MGAT1: variants seen among roughly 807,000 people sequenced by gnomAD.
The protein encoded by MGAT1 is N-glycosyl-oligosaccharide-glycoprotein N-acetylglucosaminyltransferase I.
In MGAT1, 14 loss-of-function variants were observed where a neutral mutation model predicts 31.7. That is an observed-to-expected ratio of 0.44 (90% confidence interval 0.29 to 0.69). The LOEUF (loss-of-function observed/expected upper bound fraction) is 0.69, where lower values mean the gene tolerates loss of function less well. Among genes scored for constraint, MGAT1 ranks in the 30% least tolerant of loss-of-function variants. The probability of loss-of-function intolerance (pLI) is 0.12; values close to 1 mark genes in which losing one functional copy is unlikely to be tolerated. For synonymous variants in MGAT1, 338 were observed against 276.0 expected (o/e 1.22, Z -2.23); for missense variants, 557 against 626.0 (o/e 0.89, Z 1.18).
intron 1 of MGAT1, among the ~76,000 whole-genome samples, chr5:180,813,910 A>G (rs1263750235): frequency 6.6e-6 from 1 of 152,232 alleles, no homozygotes; most frequent in Non-Finnish European, 1.5e-5. Flanking sequence ...GGCTACCTAC[A>G]GTCCCCACCA....
rs763182421 is a variant in MGAT1 at position 180,800,008 on chromosome 5, T to C, written c.-127+2672A>G. ...AGACACAGGAGACAGCCCTCCAGAT[T>C]ATCCCAGCCCCAGCTGACTGCAATG... On this transcript the variant is annotated intron_variant, in intron 1 of 1. Coordinates refer to ENST00000307826, the MANE Select transcript of MGAT1 (RefSeq NM_002406.4). Among the ~76,000 whole-genome samples, 8 of 152,292 alleles carry C rather than the reference T, an allele frequency of 5.3e-5. No homozygotes were observed. In the East Asian group the frequency reaches 5.8e-4, roughly 11 times the overall value.
Position 180,792,735 on chromosome 5 carries a change from C to A in MGAT1, c.237G>T (p.Leu79=), listed in dbSNP as rs771667875. 10 of 1,546,998 alleles carry A rather than the reference C, an allele frequency of 6.5e-6. No individual in the cohort carries two copies. The highest frequency in any genetic ancestry group is 1.8e-4 in the Middle Eastern group (1 of 5,530). The part of the protein sequence containing the change: ...RGLLQQIGDA[L]SSQRGRVPTA... ...TGGGCACCCTCCCCCGCTGGCTCGA[C>A]AGGGCATCCCCGATCTGCTGCAGCA... The change falls in exon 2 of 2, where the codon CTG becomes CTT. Residue 79 remains leucine, a synonymous_variant. Coordinates refer to ENST00000307826, the MANE Select transcript of MGAT1 (RefSeq NM_002406.4).
chr5:180,799,703 G>A (rs1418252733), intron 1 of MGAT1, among the ~76,000 whole-genome samples: 1 of 152,144 alleles, frequency 6.6e-6, no homozygotes, highest in Admixed American at 6.6e-5. Flanking sequence ...AGAGATGACC[G>A]CACATATCCC....
chr5:180,792,295 T>A lies in MGAT1; in HGVS notation c.677A>T (p.Tyr226Phe). 1 of 1,610,402 alleles carries A rather than the reference T, an allele frequency of 6.2e-7. No homozygotes were observed. Among genetic ancestry groups the A allele is most frequent in the Non-Finnish European group, 8.5e-7 (1 of 1,177,752 alleles). The change falls in exon 2 of 2, where the codon TAT becomes TTT. Residue 226 changes from tyrosine (Y) to phenylalanine (F), a missense_variant. Tyr to Phe is a conservative substitution (Grantham distance 22). This residue lies in a region of MGAT1 where 245 missense variants were observed against 332.9 expected (regional missense o/e 0.74). Coordinates refer to ENST00000307826, the MANE Select transcript of MGAT1 (RefSeq NM_002406.4). ...GGAGGGGTCGGCCTTCAGCAGCGGA[T>A]AGGTGGCCCGAAAGTACTCGAAGAA... ...PDFFEYFRAT[Y>F]PLLKADPSLW...
intron 1 of MGAT1, among the ~76,000 whole-genome samples, chr5:180,794,696 G>A (rs373929205): frequency 1.3e-4 from 20 of 152,240 alleles, no homozygotes; most frequent in African/African-American, 3.9e-4. Context: ...TGGTGCTGCC[G>A]GAGGTGGGGT....
rs1561818816 is a variant in MGAT1, at chr5:180,792,318, G to A, written c.654C>T (p.Phe218=). ...VEDDLEVAPD[F]FEYFRATYPL... ...GATAGGTGGCCCGAAAGTACTCGAA[G>A]AAGTCCGGGGCCACCTCCAGGTCAT... is the stretch of plus-strand genomic sequence containing the variant. Residue 218 remains phenylalanine (F), a synonymous_variant, in exon 2 of 2, where the codon TTC becomes TTT. Coordinates refer to ENST00000307826, the MANE Select transcript of MGAT1 (RefSeq NM_002406.4). The A allele has an allele frequency of 1.9e-6, 3 of 1,610,352 alleles. No homozygotes were observed. Among genetic ancestry groups the A allele is most frequent in the Non-Finnish European group, 1.7e-6 (2 of 1,177,842 alleles).
At chr5:180,805,035 G>C (rs1771648623), upstream of MGAT1, among the ~76,000 whole-genome samples, 1 of 152,162 alleles carries the variant, frequency 6.6e-6, no homozygotes, top group African/African-American at 2.4e-5. Flanking sequence ...TGGTCTGAGA[G>C]GCAAGAAACC....
chr5:180,807,357 T>C (rs1264016289), upstream of MGAT1, among the ~76,000 whole-genome samples: 1 of 152,014 alleles, frequency 6.6e-6, no homozygotes, highest in African/African-American at 2.4e-5. Context: ...GTGTTGTCCC[T>C]GGGAAAAGCA....
chr5:180,797,471 A>C (rs1769718390), intron 1 of MGAT1, among the ~76,000 whole-genome samples: 2 of 150,484 alleles, frequency 1.3e-5, no homozygotes, highest in Admixed American at 6.6e-5. Flanking sequence ...CTGACTCATC[A>C]ATGACCTGCA....
chr5:180,807,563 C>G (rs749282243), upstream of MGAT1, among the ~76,000 whole-genome samples: 1 of 152,200 alleles, frequency 6.6e-6, no homozygotes, highest in Non-Finnish European at 1.5e-5. Flanking sequence ...AAGACCACCA[C>G]TCACTCCAAG....
rs1767588085 is a variant in MGAT1 at position 180,786,686 on chromosome 5, G to A, written c.*4948C>T. Reference sequence around the variant, plus strand: ...GCTGGCTGGAGCTCCCGCAGCCAAGGAATGAGACCTGACCTCGTGCTAAGA... The same window carrying A: ...GCTGGCTGGAGCTCCCGCAGCCAAGAAATGAGACCTGACCTCGTGCTAAGA... On this transcript the variant is annotated 3_prime_UTR_variant, in exon 2 of 2. Coordinates refer to ENST00000307826, the MANE Select transcript of MGAT1 (RefSeq NM_002406.4). 1 of 152,396 alleles carries A rather than the reference G, an allele frequency of 6.6e-6. No homozygotes were observed. The highest frequency in any genetic ancestry group is 1.9e-4 in the East Asian group (1 of 5,190). The allele number at this position is 152,396 out of a possible 1,614,324, so 9.4% of individuals were successfully genotyped here. A position where few individuals can be genotyped will look rare whatever the true frequency, so the allele number is the denominator to read the frequency against.
intron 1 of MGAT1, among the ~76,000 whole-genome samples, chr5:180,794,658 A>G (rs749973440): frequency 2.0e-5 from 3 of 151,792 alleles, no homozygotes; most frequent in Non-Finnish European, 2.9e-5. Context: ...TCTCTGAAAC[A>G]CATGTTGGGA....
rs531339880 is a variant in MGAT1, at chr5:180,789,639, T to C, written c.*1995A>G. 1 of 151,214 alleles carries C rather than the reference T, an allele frequency of 6.6e-6. No homozygotes were observed. The highest frequency in any genetic ancestry group is 2.4e-5 in the African/African-American group (1 of 41,134). The allele number at this position is 151,214 out of a possible 1,614,324, so 9.4% of individuals were successfully genotyped here. A position where few individuals can be genotyped will look rare whatever the true frequency, so the allele number is the denominator to read the frequency against. On this transcript the variant is annotated 3_prime_UTR_variant, in exon 2 of 2. Coordinates refer to ENST00000307826, the MANE Select transcript of MGAT1 (RefSeq NM_002406.4). ...TTCGTGAGTCACAAAAAGCGTTTTG[T>C]TTTTCCGAGACAGAGTCTTGCTCTG...
At chr5:180,805,729 G>A (rs1038299071), upstream of MGAT1, among the ~76,000 whole-genome samples, 9 of 151,610 alleles carry the variant, frequency 5.9e-5, no homozygotes, top group Admixed American at 3.3e-4. Context: ...CAGCCTGGGT[G>A]ACAGAGTGAG....
rs3733751 is a variant in MGAT1 at position 180,792,984 on chromosome 5, C to G, written c.-13G>C. The G allele has an allele frequency of 1.1e-5, 18 of 1,612,512 alleles. No homozygotes were observed. Among genetic ancestry groups the G allele is most frequent in the Non-Finnish European group, 1.5e-5 (18 of 1,179,792 alleles). On this transcript the variant is annotated 5_prime_UTR_variant, in exon 2 of 2. Transcript: ENST00000307826. ...GCTTCTTCAGCATCCTGGCCCCCAC[C>G]GGGGAGGGCAGGCCAGGGGACGGTT...
At chr5:180,801,937 T>C (rs912261812) in intron 1 of MGAT1, among the ~76,000 whole-genome samples, 5 of 152,212 alleles carry the variant, frequency 3.3e-5, no homozygotes, top group African/African-American at 1.2e-4. Context: ...GACGCAGTGA[T>C]TGCTGATGGA....
At chr5:180,806,476 T>C (rs1439431021), upstream of MGAT1, among the ~76,000 whole-genome samples, 1 of 152,140 alleles carries the variant, frequency 6.6e-6, no homozygotes, top group Non-Finnish European at 1.5e-5. Flanking sequence ...GAGGAATGCT[T>C]GCTCACTCTA....
chr5:180,787,653 T>C lies in MGAT1; in HGVS notation c.*3981A>G, dbSNP rs995838066. 1.3e-5 allele frequency: 2 copies of C among 152,266 alleles called. No homozygotes were observed. Among genetic ancestry groups the C allele is most frequent in the Admixed American group, 6.5e-5 (1 of 15,290 alleles). The allele number at this position is 152,266 out of a possible 1,614,324, so 9.4% of individuals were successfully genotyped here. On this transcript the variant is annotated 3_prime_UTR_variant, in exon 2 of 2. Coordinates refer to ENST00000307826, the MANE Select transcript of MGAT1 (RefSeq NM_002406.4). ...ATGAACATGTAATACGAAAAGCCAG[T>C]AGCTGGTATTTGTAAAGGGGTGCTC...
At position 180,796,882 on chromosome 5, in the gene MGAT1, GATTA is replaced by G. The variant is rs1769513221; in HGVS notation, c.-126-3789_-126-3786del. 5.9e-5 allele frequency among the ~76,000 whole-genome samples: 9 copies of G among 152,258 alleles called. No homozygotes were observed. The South Asian group carries it at 1.9e-3, about 32-fold the overall frequency. ...CCTCCTCAGCCTCCCAAAGTGCTGG[GATTA>G]CAGGTGTGAGCCACTGGGCCCAGAA... On this transcript the variant is annotated intron_variant, in intron 1 of 1. Coordinates refer to ENST00000307826, the MANE Select transcript of MGAT1 (RefSeq NM_002406.4).
Sources: allele counts gnomAD v4.1 joint callset (sites outside exome capture counted in the v4.1 genomes callset), GRCh38; gene constraint gnomAD v4.1.1; regional missense constraint gnomAD v4.1.1; transcripts MANE v1.5; gene names NCBI Gene and HGNC (gene_info 2026-07-23, HGNC 2026-07-21).